The following PCDH15 variants were observed in gnomAD, a reference collection of about 807,000 sequenced individuals.
PCDH15 encodes protocadherin related 15.
In PCDH15, 129 loss-of-function variants were observed where a neutral mutation model predicts 178.5. The observed-to-expected ratio is 0.72, with a 90% CI of 0.63 to 0.84. The LOEUF (loss-of-function observed/expected upper bound fraction) is 0.84, where lower values mean the gene tolerates loss of function less well. PCDH15 is among the 40% of genes least tolerant of loss of function. PCDH15 has a pLI of 0.00. For synonymous variants in PCDH15, 800 were observed against 732.0 expected, an observed-to-expected ratio of 1.09 and a Z score of -1.50; for missense variants, 2,230 against 2,099.9, an observed-to-expected ratio of 1.06 and a Z score of -1.21.
chr10:53,915,258 A>G (rs1315779793), intron 25 of PCDH15, among the ~76,000 whole-genome samples: 1 of 152,206 alleles, frequency 6.6e-6, no homozygotes, highest in Non-Finnish European at 1.5e-5. Flanking sequence ...TTTAGAAAAT[A>G]AATTATTAAC....
At chr10:54,672,027 G>A (rs2094684508) in intron 1 of PCDH15, among the ~76,000 whole-genome samples, 1 of 152,030 alleles carries the variant, frequency 6.6e-6, no homozygotes, top group Non-Finnish European at 1.5e-5. Context: ...TCATAGGAGG[G>A]CAATCTCTAT....
chr10:54,775,815 G>T (rs1247509626), intron 1 of PCDH15, among the ~76,000 whole-genome samples: 1 of 152,266 alleles, frequency 6.6e-6, no homozygotes, highest in Non-Finnish European at 1.5e-5. Context: ...GAACCCGGGA[G>T]GCGGAGCTTG....
intron 1 of PCDH15, among the ~76,000 whole-genome samples, chr10:55,317,624 A>G (rs529939123): frequency 4.6e-5 from 7 of 152,234 alleles, no homozygotes; most frequent in East Asian, 1.9e-4. Context: ...TGAACATTCA[A>G]TTTGGACAGA....
At chr10:54,247,235 T>A (rs2056034863) in intron 8 of PCDH15, among the ~76,000 whole-genome samples, 1 of 151,966 alleles carries the variant, frequency 6.6e-6, no homozygotes, top group Non-Finnish European at 1.5e-5. Flanking sequence ...ATAATTTTCC[T>A]TATCTATTTC....
intron 1 of PCDH15, among the ~76,000 whole-genome samples, chr10:54,714,742 A>AT (rs2095460037): frequency 6.6e-6 from 1 of 152,280 alleles, no homozygotes; most frequent in East Asian, 1.9e-4. Flanking sequence ...TCCATTTGAT[A>AT]TATTTTCAAA....
intron 14 of PCDH15, among the ~76,000 whole-genome samples, chr10:54,140,265 C>T (rs1812887587): frequency 6.6e-6 from 1 of 152,080 alleles, no homozygotes; most frequent in African/African-American, 2.4e-5. Flanking sequence ...AGTATATTTG[C>T]TATTCTGCAT....
chr10:54,068,339 G>A lies in PCDH15; in HGVS notation c.2092-1454C>T, dbSNP rs529414405. Reference sequence around the variant, plus strand: ...GGCTTACCCTTTGAAAATTTATGTTGCTATTCATATGTGATTTGCACACAT... The same window carrying A: ...GGCTTACCCTTTGAAAATTTATGTTACTATTCATATGTGATTTGCACACAT... On this transcript the variant is annotated intron_variant, in intron 17 of 37. Transcript: ENST00000644397. Among the ~76,000 whole-genome samples the A allele has an allele frequency of 7.9e-5, 12 of 151,966 alleles. No individual in the cohort carries two copies. In the South Asian group the frequency reaches 2.3e-3, roughly 29 times the overall value.
At chr10:55,558,256 A>G (rs1842128700) in intron 2 of PCDH15, among the ~76,000 whole-genome samples, 1 of 152,138 alleles carries the variant, frequency 6.6e-6, no homozygotes, top group African/African-American at 2.4e-5. Context: ...ACTTGGCACT[A>G]TAGTTTGAGA....
In PCDH15 at chr10:54,773,548, G is replaced by A. The variant is rs117722275; in HGVS notation, c.-29+27377C>T. 9.9e-5 allele frequency among the ~76,000 whole-genome samples: 15 copies of A among 152,154 alleles called. No homozygotes were observed. The East Asian group carries it at 2.9e-3, about 29-fold the overall frequency. ...GCATTCTCAACATGAAATTACTTTT[G>A]ATATCACATGGAGAAGGAGAGATCT... On this transcript the variant is annotated intron_variant, in intron 1 of 37. Coordinates refer to ENST00000644397, the MANE Select transcript of PCDH15 (RefSeq NM_001384140.1).
At chr10:54,305,282 A>G (rs1384278477) in intron 8 of PCDH15, among the ~76,000 whole-genome samples, 1 of 152,048 alleles carries the variant, frequency 6.6e-6, no homozygotes, top group African/African-American at 2.4e-5. Context: ...TAACGAATAC[A>G]TCAGAGAGAA....
At chr10:55,047,587 G>A (rs1841044457) in intron 2 of PCDH15, among the ~76,000 whole-genome samples, 1 of 151,742 alleles carries the variant, frequency 6.6e-6, no homozygotes, top group African/African-American at 2.4e-5. Flanking sequence ...ATAAAGAGGG[G>A]GAAGTGACAA....
chr10:54,622,744 T>TA (rs1279047396), intron 2 of PCDH15, among the ~76,000 whole-genome samples: 7 of 113,974 alleles, frequency 6.1e-5, no homozygotes, highest in Non-Finnish European at 1.2e-4. Context: ...TATATATATA[T>TA]TATATATAAT....
rs531997097 is a variant in PCDH15, at chr10:55,163,205, G to A, written c.-80+3371C>T. Among the ~76,000 whole-genome samples, 7 of 152,140 alleles carry A rather than the reference G, an allele frequency of 4.6e-5. No individual in the cohort carries two copies. The South Asian group carries it at 6.2e-4, about 14-fold the overall frequency. On this transcript the variant is annotated intron_variant, in intron 2 of 5. Transcript: ENST00000458638. ...AGTAGTAATAAAACTTTAGTCTCTCGTTTAGCCAGCTCTACATGTATTAAA... is the reference window on the plus strand; with the variant it reads ...AGTAGTAATAAAACTTTAGTCTCTCATTTAGCCAGCTCTACATGTATTAAA...
chr10:54,412,868 T>C (rs1309019925), intron 3 of PCDH15, among the ~76,000 whole-genome samples: 1 of 152,110 alleles, frequency 6.6e-6, no homozygotes, highest in Non-Finnish European at 1.5e-5. Context: ...ATTAAAGGCA[T>C]GAGCCACCAC....
At chr10:55,197,951 T>G (rs1365071002) in intron 1 of PCDH15, among the ~76,000 whole-genome samples, 1 of 152,162 alleles carries the variant, frequency 6.6e-6, no homozygotes, top group Non-Finnish European at 1.5e-5. Context: ...GAAGTTATTT[T>G]GTTAAGGCTG....
chr10:55,376,614 G>A (rs1358925625), intron 2 of PCDH15, among the ~76,000 whole-genome samples: 2 of 151,934 alleles, frequency 1.3e-5, no homozygotes, highest in Non-Finnish European at 2.9e-5. Context: ...TATAAATATG[G>A]CCCTTTAATA....
rs1221436696 is a variant in PCDH15, at chr10:54,166,715, T to C, written c.1591-13422A>G. Among the ~76,000 whole-genome samples the C allele has an allele frequency of 2.0e-5, 3 of 152,214 alleles. No homozygotes were observed. In the South Asian group the frequency reaches 6.2e-4, roughly 31 times the overall value. On this transcript the variant is annotated intron_variant, in intron 13 of 37. Coordinates refer to ENST00000644397, the MANE Select transcript of PCDH15 (RefSeq NM_001384140.1). ...GCCCAAGCCAAGCCATCGCATCCCC[T>C]GTGACTTGCACTTATACGCCCAGAT...
At chr10:54,709,028 A>T (rs1408869842) in intron 1 of PCDH15, among the ~76,000 whole-genome samples, 1 of 152,168 alleles carries the variant, frequency 6.6e-6, no homozygotes, top group Non-Finnish European at 1.5e-5. Context: ...TTTAGGGAAG[A>T]ATAATTCAAG....
chr10:54,048,667 C>T (rs2263158), intron 18 of PCDH15, among the ~76,000 whole-genome samples: 10 of 152,102 alleles, frequency 6.6e-5, no homozygotes, highest in African/African-American at 1.7e-4. Flanking sequence ...TTTCTGATTG[C>T]TTATTTTTGT....
Sources: allele counts gnomAD v4.1 joint callset (sites outside exome capture counted in the v4.1 genomes callset), GRCh38; gene constraint gnomAD v4.1.1; transcripts MANE v1.5; gene names NCBI Gene and HGNC (gene_info 2026-07-23, HGNC 2026-07-21).